Variants in ARFGAP3 observed in about 807,000 individuals in gnomAD.
ARFGAP3 encodes ADP-ribosylation factor GTPase-activating protein 3.
ARFGAP3 carries 72 observed loss-of-function variants against 75.0 expected under a neutral mutation model. The ratio of observed to expected loss-of-function variants is 0.96; its 90% confidence interval spans 0.79 to 1.17. The LOEUF (loss-of-function observed/expected upper bound fraction) is 1.17. Among genes scored for constraint, ARFGAP3 ranks in the 50% most tolerant of loss-of-function variants. The pLI is 0.00. For missense variants in ARFGAP3, 620 were observed against 626.6 expected (o/e 0.99, Z 0.11); for synonymous variants, 221 against 217.9 (o/e 1.01, Z -0.13).
intron 3 of ARFGAP3, among the ~76,000 whole-genome samples, chr22:42,839,087 G>C (rs1320646807): frequency 1.4e-5 from 2 of 142,426 alleles, no homozygotes; most frequent in African/African-American, 2.7e-5. Context: ...TCCAGCCTGG[G>C]TGACAGAGCA....
chr22:42,806,012 A>T (rs1925104365), intron 14 of ARFGAP3, among the ~76,000 whole-genome samples: 1 of 152,242 alleles, frequency 6.6e-6, no homozygotes, highest in Admixed American at 6.5e-5. Context: ...TCCGACACTC[A>T]GACCTCTCTC....
chr22:42,804,057 C>T (rs975575665), intron 14 of ARFGAP3, among the ~76,000 whole-genome samples: 1 of 151,866 alleles, frequency 6.6e-6, no homozygotes, highest in African/African-American at 2.4e-5. Context: ...GTGTGCACCA[C>T]CATGCCTGGC....
In ARFGAP3 at chr22:42,797,685, C is replaced by T. The variant is rs568445479; in HGVS notation, c.1534-80G>A. ...CCCACGCCCTGAATATTCAGCATCA[C>T]CCAAATTGACACTGCAGCCCATGTC... On this transcript the variant is annotated intron_variant, in intron 15 of 15. Transcript: ENST00000263245. 69 of 1,613,308 alleles carry T rather than the reference C, an allele frequency of 4.3e-5. No individual in the cohort carries two copies. In the East Asian group the frequency reaches 5.6e-4, roughly 13 times the overall value.
chr22:42,825,177 T>C (rs1485606927), intron 7 of ARFGAP3, among the ~76,000 whole-genome samples: 1 of 151,996 alleles, frequency 6.6e-6, no homozygotes, highest in African/African-American at 2.4e-5. Flanking sequence ...GGTAGGAGAA[T>C]CTCTTGGGCC....
At chr22:42,808,677 G>T in intron 13 of ARFGAP3, 90 bp downstream of exon 13, 2 of 1,120,460 alleles carry the variant, frequency 1.8e-6, no homozygotes, top group Non-Finnish European at 2.6e-6. Flanking sequence ...CCTGAGCCCA[G>T]CTCACTCAGG....
chr22:42,817,963 TC>T, intron 9 of ARFGAP3, 106 bp from the exon 10 acceptor site: 1 of 1,306,194 alleles, frequency 7.7e-7, no homozygotes, highest in South Asian at 1.8e-5. Flanking sequence ...GCTTCATGAT[TC>T]TTTCCATAAT....
chr22:42,825,345 A>G (rs977589252), intron 7 of ARFGAP3, among the ~76,000 whole-genome samples: 25 of 152,234 alleles, frequency 1.6e-4, no homozygotes, highest in African/African-American at 5.5e-4. Flanking sequence ...ACCTTGGCTT[A>G]TATATAGATT....
At chr22:42,815,409 CTACT>C (rs1270241808) in intron 11 of ARFGAP3, among the ~76,000 whole-genome samples, 1 of 149,674 alleles carries the variant, frequency 6.7e-6, no homozygotes, top group Non-Finnish European at 1.5e-5. Flanking sequence ...CACTAAACTA[CTACT>C]TTTTTTTTTT....
At chr22:42,855,729 G>A (rs925033177) in intron 1 of ARFGAP3, among the ~76,000 whole-genome samples, 7 of 151,304 alleles carry the variant, frequency 4.6e-5, no homozygotes, top group African/African-American at 1.7e-4. Context: ...AGAACATTAA[G>A]GCCAGCATGG....
At chr22:42,842,985 A>C (rs1926851962) in intron 2 of ARFGAP3, among the ~76,000 whole-genome samples, 1 of 151,904 alleles carries the variant, frequency 6.6e-6, no homozygotes. Context: ...GGCAGGTCCT[A>C]GTATTCTCAC....
At chr22:42,847,153 T>C (rs748201303) in intron 2 of ARFGAP3, 16 of 197,320 alleles carry the variant, frequency 8.1e-5, no homozygotes, top group Non-Finnish European at 1.3e-4. Flanking sequence ...ACACTGAAAA[T>C]CACATTTCTT....
At position 42,844,088 on chromosome 22, in the gene ARFGAP3, G is replaced by A. The variant is rs193079081; in HGVS notation, c.189-3072C>T. 4.3e-3 allele frequency among the ~76,000 whole-genome samples: 657 copies of A among 152,338 alleles called. 6 individuals carry two copies. Among genetic ancestry groups the A allele is most frequent in the African/African-American group, 0.015 (639 of 41,574 alleles). On this transcript the variant is annotated intron_variant, in intron 2 of 15. Coordinates refer to ENST00000263245, the MANE Select transcript of ARFGAP3 (RefSeq NM_014570.5). Reference sequence around the variant, plus strand: ...GCAGTGCATGTGTGTGTGTCTGGCAGTGGGAGGGGAAGAAGAGGGGAAAAG... The same window carrying A: ...GCAGTGCATGTGTGTGTGTCTGGCAATGGGAGGGGAAGAAGAGGGGAAAAG...
chr22:42,827,749 T>C (rs938485886), intron 6 of ARFGAP3, among the ~76,000 whole-genome samples: 5 of 152,206 alleles, frequency 3.3e-5, no homozygotes, highest in African/African-American at 1.2e-4. Context: ...TTGTTTATTC[T>C]ATTTTACCTA....
At chr22:42,827,368 G>C (rs1569154530) in intron 6 of ARFGAP3, among the ~76,000 whole-genome samples, 2 of 150,586 alleles carry the variant, frequency 1.3e-5, no homozygotes. Flanking sequence ...GTTTTGTTTT[G>C]TTTTTTTTTC....
intron 14 of ARFGAP3, among the ~76,000 whole-genome samples, chr22:42,800,340 G>A (rs1489972941): frequency 6.6e-6 from 1 of 152,118 alleles, no homozygotes; most frequent in Non-Finnish European, 1.5e-5. Context: ...GACCAGCCTG[G>A]CCAACATGGT....
intron 7 of ARFGAP3, among the ~76,000 whole-genome samples, chr22:42,826,305 C>T (rs934957508): frequency 1.1e-4 from 17 of 147,882 alleles, no homozygotes; most frequent in Non-Finnish European, 2.4e-4. Context: ...TGCTTATTTC[C>T]GTAAGGTGAG....
In ARFGAP3 at chr22:42,823,670, G is replaced by A; in HGVS notation, c.658C>T (p.Gln220Ter). 6.4e-7 allele frequency: 1 copy of A among 1,572,110 alleles called. No individual in the cohort carries two copies. The highest frequency in any genetic ancestry group is 8.7e-7 in the Non-Finnish European group (1 of 1,155,704). Residue 220 changes from glutamine (Q) to a stop codon, truncating the protein, a stop_gained, in exon 8 of 16, where the codon CAA becomes TAA. Coordinates refer to ENST00000263245, the MANE Select transcript of ARFGAP3 (RefSeq NM_014570.5). LOFTEE classifies it high-confidence loss of function. The stretch of plus-strand genomic sequence containing the variant: ...ATAATACTCACGCCTTTTTTAGCTT[G>A]ATTTGGTTTCTTTTTTATGATAGAG... Reference protein sequence around the residue: ...VSSIIKKKPNQAKKGLGAKKG... With the variant: ...VSSIIKKKPN
intron 6 of ARFGAP3, among the ~76,000 whole-genome samples, chr22:42,829,652 A>G (rs969368936): frequency 1.3e-5 from 2 of 152,274 alleles, no homozygotes; most frequent in Non-Finnish European, 2.9e-5. Context: ...AATTGCAAAT[A>G]TAAGTTTATC....
intron 3 of ARFGAP3, among the ~76,000 whole-genome samples, chr22:42,837,620 CAA>C (rs574222602): frequency 0.4 from 26,389 of 65,178 alleles, 1,862 homozygotes; most frequent in Non-Finnish European, 0.45. Context: ...GACTCTATCT[CAA>C]AAAAAAAAAA....
Sources: allele counts gnomAD v4.1 joint callset (sites outside exome capture counted in the v4.1 genomes callset), GRCh38; gene constraint gnomAD v4.1.1; transcripts MANE v1.5; gene names NCBI Gene and HGNC (gene_info 2026-07-23, HGNC 2026-07-21).